The following PIK3CG variants were observed in gnomAD, a reference collection of about 807,000 sequenced individuals.
The protein encoded by PIK3CG is phosphatidylinositol-4,5-bisphosphate 3-kinase catalytic subunit gamma.
A neutral mutation model predicts 102.3 loss-of-function variants in PIK3CG; 55 were observed. That is an observed-to-expected ratio of 0.54 (90% CI 0.43 to 0.67). The LOEUF (loss-of-function observed/expected upper bound fraction) is 0.67, where lower values mean the gene tolerates loss of function less well. Among genes scored for constraint, PIK3CG ranks in the 30% least tolerant of loss-of-function variants. PIK3CG has a pLI of 0.00. For missense variants in PIK3CG, 1,258 were observed against 1,391.8 expected, an observed-to-expected ratio of 0.90 and a Z score of 1.53; for synonymous variants, 552 against 540.0, an observed-to-expected ratio of 1.02 and a Z score of -0.31.
Position 106,877,910 on chromosome 7 carries a change from T to TA in PIK3CG, c.2392-1608dup, listed in dbSNP as rs963598622. ...ATATGTTATAAATGGCACAATAAGT[T>TA]ACTATTTTTGCCCTAAACAGTTAAA... On this transcript the variant is annotated intron_variant, in intron 5 of 10. Coordinates refer to ENST00000496166, the MANE Select transcript of PIK3CG (RefSeq NM_001282426.2). This position sits in a 1 kb window ranked among gnomAD's most constrained non-coding sequence, Gnocchi z 4.5. 1.3e-5 allele frequency among the ~76,000 whole-genome samples: 2 copies of TA among 152,212 alleles called. No individual in the cohort carries two copies. The highest frequency in any genetic ancestry group is 4.8e-5 in the African/African-American group (2 of 41,446).
At chr7:106,904,796 A>G (rs550804031) in intron 10 of PIK3CG, among the ~76,000 whole-genome samples, 3 of 152,332 alleles carry the variant, frequency 2.0e-5, no homozygotes, top group African/African-American at 7.2e-5. Flanking sequence ...GCTCTTCAGA[A>G]ATTACAGAAA....
At position 106,868,065 on chromosome 7, in the gene PIK3CG, G is replaced by A. The variant is rs376763193; in HGVS notation, c.504G>A (p.Val168=). ...ATGACGTCACTGACGTCAGCAACGT[G>A]CACGACGATGAGCTGGAGTTCACGC... ...IGYDVTDVSN[V]HDDELEFTRR... is the part of the protein sequence containing the mutation. Residue 168 remains valine, a synonymous_variant, in exon 2 of 11, where the codon GTG becomes GTA. Coordinates refer to ENST00000496166, the MANE Select transcript of PIK3CG (RefSeq NM_001282426.2). This position sits in a 1 kb window ranked among gnomAD's most constrained non-coding sequence, Gnocchi z 6.2. The A allele has an allele frequency of 1.9e-5, 31 of 1,612,828 alleles. No homozygotes were observed. Among genetic ancestry groups the A allele is most frequent in the South Asian group, 3.3e-5 (3 of 91,080 alleles).
rs371891504 is a variant in PIK3CG at position 106,868,852 on chromosome 7, C to T, written c.1291C>T (p.Leu431Phe). ...KDLPKGALLNLQIYCGKAPAL... is the reference protein window; with the variant it reads ...KDLPKGALLNFQIYCGKAPAL... ...CTTGCCCAAAGGGGCTCTACTGAACCTCCAGATCTACTGCGGTAAAGCTCC... is the reference window on the plus strand; with the variant it reads ...CTTGCCCAAAGGGGCTCTACTGAACTTCCAGATCTACTGCGGTAAAGCTCC... Residue 431 changes from leucine to phenylalanine, a missense_variant, in exon 2 of 11, where the codon CTC becomes TTC. This residue lies in a region of PIK3CG where 832 missense variants were observed against 787.5 expected (regional missense o/e 1.06). Coordinates refer to ENST00000496166, the MANE Select transcript of PIK3CG (RefSeq NM_001282426.2). This position sits in a 1 kb window ranked among gnomAD's most constrained non-coding sequence, Gnocchi z 6.2. The T allele has an allele frequency of 2.5e-5, 41 of 1,614,084 alleles. No homozygotes were observed. The highest frequency in any genetic ancestry group is 3.5e-5 in the Non-Finnish European group (41 of 1,180,034).
rs2116459363 is a variant in PIK3CG, at chr7:106,869,161, C to A, written c.1600C>A (p.Pro534Thr). The change falls in exon 2 of 11, where the codon CCC (proline) becomes ACC (threonine). Residue 534 changes from proline (P) to threonine (T), a missense_variant. Physicochemically the swap from Pro to Thr is conservative, Grantham distance 38 (BLOSUM62 -1). Around this residue, in one of 2 missense-constraint regions of PIK3CG, gnomAD observed 832 missense variants for 787.5 expected, o/e 1.06. Coordinates refer to ENST00000496166, the MANE Select transcript of PIK3CG (RefSeq NM_001282426.2). The surrounding 1 kb of genome is among the most constrained non-coding windows in gnomAD (Gnocchi z 5.3). ...CCCGATAGCCCTGCCTAAGCATCAG[C>A]CCACCCCTGACCCGGAAGGGGACCG... The part of the protein sequence containing the change: ...CHPIALPKHQ[P>T]TPDPEGDRVR... 6.2e-7 allele frequency: 1 copy of A among 1,614,196 alleles called. No homozygotes were observed. The highest frequency in any genetic ancestry group is 8.5e-7 in the Non-Finnish European group (1 of 1,180,042).
At chr7:106,881,589 G>C (rs570925549) in intron 6 of PIK3CG, among the ~76,000 whole-genome samples, 100 of 152,286 alleles carry the variant, frequency 6.6e-4, no homozygotes, top group African/African-American at 2.3e-3. Flanking sequence ...GCTCACGCCT[G>C]TAATCCCAGC....
At chr7:106,885,612 A>G (rs1013722433) in intron 9 of PIK3CG, among the ~76,000 whole-genome samples, 2 of 152,210 alleles carry the variant, frequency 1.3e-5, no homozygotes, top group African/African-American at 4.8e-5. Context: ...TGGTGATAGT[A>G]GTAGTGGTAG....
chr7:106,882,779 C>CT (rs1790977910), intron 7 of PIK3CG: 2 of 352,316 alleles, frequency 5.7e-6, no homozygotes, highest in Non-Finnish European at 5.1e-6. Context: ...TTATTTATTA[C>CT]TATTCAAAAC....
In PIK3CG at chr7:106,884,851, G is replaced by A. The variant is rs759485418; in HGVS notation, c.2872+585G>A. Reference sequence around the variant, plus strand: ...GAAACCTCTCTGCTAATGTTAATCTGTATTTACAGCCACTGCCCAGTGCTA... The same window carrying A: ...GAAACCTCTCTGCTAATGTTAATCTATATTTACAGCCACTGCCCAGTGCTA... On this transcript the variant is annotated intron_variant, in intron 9 of 10. Coordinates refer to ENST00000496166, the MANE Select transcript of PIK3CG (RefSeq NM_001282426.2). This position sits in a 1 kb window ranked among gnomAD's most constrained non-coding sequence, Gnocchi z 4.2. Among the ~76,000 whole-genome samples, 1 of 152,130 alleles carries A rather than the reference G, an allele frequency of 6.6e-6. No individual in the cohort carries two copies. The highest frequency in any genetic ancestry group is 1.9e-4 in the East Asian group (1 of 5,198).
chr7:106,867,363 G>A lies in PIK3CG; in HGVS notation c.-12-187G>A, dbSNP rs1253809270. On this transcript the variant is annotated intron_variant, in intron 1 of 10. Transcript: ENST00000496166. This position sits in a 1 kb window ranked among gnomAD's most constrained non-coding sequence, Gnocchi z 5.1. ...CCCAGAAAGTAAGTGGCTGGGCCAG[G>A]ACTCACCGGCCCGACTCCAAAGCCC... 6.6e-6 allele frequency among the ~76,000 whole-genome samples: 1 copy of A among 152,106 alleles called. No individual in the cohort carries two copies. Among genetic ancestry groups the A allele is most frequent in the African/African-American group, 2.4e-5 (1 of 41,418 alleles).
chr7:106,885,593 T>C (rs766728956), intron 9 of PIK3CG, among the ~76,000 whole-genome samples: 15 of 151,666 alleles, frequency 9.9e-5, no homozygotes, highest in Admixed American at 3.3e-4. Flanking sequence ...AAGATGATGA[T>C]TATTGTGGTG....
In PIK3CG at chr7:106,890,904, T is replaced by C. The variant is rs1398266047; in HGVS notation, c.3030+4612T>C. 6.6e-6 allele frequency among the ~76,000 whole-genome samples: 1 copy of C among 152,274 alleles called. No individual in the cohort carries two copies. The highest frequency in any genetic ancestry group is 1.9e-4 in the East Asian group (1 of 5,204). On this transcript the variant is annotated intron_variant, in intron 10 of 10. Transcript: ENST00000496166. This position sits in a 1 kb window ranked among gnomAD's most constrained non-coding sequence, Gnocchi z 4.2. ...CCACTGCTTTCTTCCCAGAATGCTCTGTGCTGCCCTGTGGTCTCAGCATAA... is the reference window on the plus strand; with the variant it reads ...CCACTGCTTTCTTCCCAGAATGCTCCGTGCTGCCCTGTGGTCTCAGCATAA...
rs1791312946 is a variant in PIK3CG at position 106,893,274 on chromosome 7, T to C, written c.3030+6982T>C. The stretch of plus-strand genomic sequence containing the variant: ...ACTTTCAGTACTCACTATCTCTCCA[T>C]GTTATGCACTGGAAGATATCCTCAA... On this transcript the variant is annotated intron_variant, in intron 10 of 10. Coordinates refer to ENST00000496166, the MANE Select transcript of PIK3CG (RefSeq NM_001282426.2). The surrounding 1 kb of genome is among the most constrained non-coding windows in gnomAD (Gnocchi z 4.4). Among the ~76,000 whole-genome samples the C allele has an allele frequency of 6.6e-6, 1 of 152,152 alleles. No individual in the cohort carries two copies. The highest frequency in any genetic ancestry group is 2.1e-4 in the South Asian group (1 of 4,830).
intron 2 of PIK3CG, among the ~76,000 whole-genome samples, chr7:106,871,832 A>C (rs895819564): frequency 6.6e-6 from 1 of 152,220 alleles, no homozygotes; most frequent in Non-Finnish European, 1.5e-5. Flanking sequence ...ATATTCTCTA[A>C]CATCAGCCAA....
chr7:106,902,637 T>C lies in PIK3CG; in HGVS notation c.3031-2472T>C, dbSNP rs779056970. Reference sequence around the variant, plus strand: ...AATGAAGTTGCATTTTTTTTGTAGGTTTATCTGTTTTTATGTCTTACAGTG... The same window carrying C: ...AATGAAGTTGCATTTTTTTTGTAGGCTTATCTGTTTTTATGTCTTACAGTG... On this transcript the variant is annotated intron_variant, in intron 10 of 10. Transcript: ENST00000496166. The surrounding 1 kb of genome is among the most constrained non-coding windows in gnomAD (Gnocchi z 4.3). Among the ~76,000 whole-genome samples the C allele has an allele frequency of 4.6e-5, 7 of 151,994 alleles. No individual in the cohort carries two copies. The highest frequency in any genetic ancestry group is 5.9e-5 in the Non-Finnish European group (4 of 68,002).
rs748511834 is a variant in PIK3CG at position 106,868,993 on chromosome 7, G to A, written c.1432G>A (p.Gly478Arg). The change falls in exon 2 of 11, where the codon GGA becomes AGA. Residue 478 changes from glycine (G) to arginine (R), a missense_variant. By Grantham distance (125) the Gly-to-Arg change is moderately radical. Around this residue, in one of 2 missense-constraint regions of PIK3CG, gnomAD observed 832 missense variants for 787.5 expected, o/e 1.06. Coordinates refer to ENST00000496166, the MANE Select transcript of PIK3CG (RefSeq NM_001282426.2). This position sits in a 1 kb window ranked among gnomAD's most constrained non-coding sequence, Gnocchi z 6.2. Reference protein sequence around the residue: ...LIDHRFLLRRGEYVLHMWQIS... With the variant: ...LIDHRFLLRRREYVLHMWQIS... Reference sequence around the variant, plus strand: ...AGACCACCGTTTCCTCCTGCGCCGTGGAGAATACGTCCTCCACATGTGGCA... The same window carrying A: ...AGACCACCGTTTCCTCCTGCGCCGTAGAGAATACGTCCTCCACATGTGGCA... 5.0e-6 allele frequency: 8 copies of A among 1,614,066 alleles called. No individual in the cohort carries two copies. In the East Asian group the frequency reaches 1.6e-4, roughly 31 times the overall value.
In PIK3CG at chr7:106,903,233, G is replaced by A. The variant is rs1937294335; in HGVS notation, c.3031-1876G>A. 6.6e-6 allele frequency among the ~76,000 whole-genome samples: 1 copy of A among 152,006 alleles called. No individual in the cohort carries two copies. Among genetic ancestry groups the A allele is most frequent in the African/African-American group, 2.4e-5 (1 of 41,404 alleles). On this transcript the variant is annotated intron_variant, in intron 10 of 10. Coordinates refer to ENST00000496166, the MANE Select transcript of PIK3CG (RefSeq NM_001282426.2). The surrounding 1 kb of genome is among the most constrained non-coding windows in gnomAD (Gnocchi z 4.3). ...TATAAAATGGTTTAATATCTGGTTTGGCAAGTACTACTTTTCATTATTATA... is the reference window on the plus strand; with the variant it reads ...TATAAAATGGTTTAATATCTGGTTTAGCAAGTACTACTTTTCATTATTATA...
intron 10 of PIK3CG, among the ~76,000 whole-genome samples, chr7:106,889,068 A>C (rs1791200700): frequency 6.6e-6 from 1 of 152,190 alleles, no homozygotes; most frequent in East Asian, 1.9e-4. Context: ...TTTTAAGTTG[A>C]GAAACCATTT....
rs2116480521 is a variant in PIK3CG at position 106,872,461 on chromosome 7, T to G, written c.1996-76T>G. The G allele has an allele frequency of 8.9e-7, 1 of 1,122,308 alleles. No homozygotes were observed. The highest frequency in any genetic ancestry group is 1.4e-6 in the Non-Finnish European group (1 of 739,602). The allele number at this position is 1,122,308 out of a possible 1,614,324, so 69.5% of individuals were successfully genotyped here. On this transcript the variant is annotated intron_variant, in intron 2 of 10. Transcript: ENST00000496166. The surrounding 1 kb of genome is among the most constrained non-coding windows in gnomAD (Gnocchi z 5.3). Reference sequence around the variant, plus strand: ...AAGACCCAGTAAAGCAGAGCACCAGTTCTTCTCCATTTCCTTTTCCCTGAT... The same window carrying G: ...AAGACCCAGTAAAGCAGAGCACCAGGTCTTCTCCATTTCCTTTTCCCTGAT...
intron 1 of PIK3CG, 116 bp downstream of exon 1, chr7:106,865,542 A>T (rs1358151735): frequency 6.6e-6 from 1 of 152,108 alleles, no homozygotes; most frequent in African/African-American, 2.4e-5. Context: ...ACTACCACCG[A>T]ATGTCTGTGT....
Sources: gnomAD v4.1 joint callset for allele counts (sites outside exome capture counted in the v4.1 genomes callset) on GRCh38, gnomAD v4.1.1 for gene constraint, gnomAD v4.1.1 regional missense constraint, Gnocchi (gnomAD v3.1) non-coding constraint, MANE v1.5 for transcripts, NCBI Gene and HGNC (gene_info 2026-07-23, HGNC 2026-07-21) for gene names.